Variants in RAB2A observed in about 807,000 individuals in gnomAD.
The protein encoded by RAB2A is ras-related protein Rab-2A.
Under a neutral mutation model 32.5 loss-of-function variants are expected in RAB2A, and 7 were observed. The observed-to-expected ratio is 0.22, with a 90% CI of 0.12 to 0.40. The LOEUF (loss-of-function observed/expected upper bound fraction) is 0.40. Among genes scored for constraint, RAB2A ranks in the 10% least tolerant of loss-of-function variants. The probability of loss-of-function intolerance (pLI) is 1.00; values close to 1 mark genes in which losing one functional copy is unlikely to be tolerated. For synonymous variants in RAB2A, 79 were observed against 85.2 expected (o/e 0.93, Z 0.40); for missense variants, 108 against 260.7 (o/e 0.41, Z 4.03).
intron 3 of RAB2A, among the ~76,000 whole-genome samples, chr8:60,575,198 A>G (rs11984682): frequency 0.076 from 11,433 of 149,872 alleles, 1,315 homozygotes; most frequent in African/African-American, 0.25. Flanking sequence ...GCCTGGCCTC[A>G]AGCAATCCTC....
At chr8:60,598,883 C>T (rs71525417) in intron 6 of RAB2A, among the ~76,000 whole-genome samples, 1 of 126,420 alleles carries the variant, frequency 7.9e-6, no homozygotes, top group Non-Finnish European at 1.6e-5. Flanking sequence ...GCAGTAATGT[C>T]TCTTCTCAAC....
chr8:60,579,644 T>C (rs1803705460), intron 3 of RAB2A, among the ~76,000 whole-genome samples: 1 of 152,102 alleles, frequency 6.6e-6, no homozygotes. Context: ...TTTTTTTTTT[T>C]TGAGATGGAG....
rs192911891 is a variant in RAB2A, at chr8:60,569,033, A to G, written c.119-3013A>G. 7.9e-5 allele frequency among the ~76,000 whole-genome samples: 12 copies of G among 152,310 alleles called. No individual in the cohort carries two copies. The East Asian group carries it at 2.3e-3, about 29-fold the overall frequency. On this transcript the variant is annotated intron_variant, in intron 2 of 7. Coordinates refer to ENST00000262646, the MANE Select transcript of RAB2A (RefSeq NM_002865.3). ...GGCTTCCAAGAGACTAGGATTCAGT[A>G]TTTTCATTTGCCACATAGAATTAAA...
At chr8:60,546,092 C>T (rs1563464841) in intron 1 of RAB2A, among the ~76,000 whole-genome samples, 1 of 152,160 alleles carries the variant, frequency 6.6e-6, no homozygotes, top group East Asian at 1.9e-4. Context: ...TAGTAATTGT[C>T]ATTTCAGAGA....
At chr8:60,591,686 CAG>C in intron 5 of RAB2A, 170 bp from the exon 6 acceptor site, 1 of 455,784 alleles carries the variant, frequency 2.2e-6, no homozygotes, top group Non-Finnish European at 4.0e-6. Flanking sequence ...TGAAACTAGA[CAG>C]TGTGTTCTAA....
At chr8:60,548,754 T>C (rs1807789898) in intron 1 of RAB2A, among the ~76,000 whole-genome samples, 1 of 130,440 alleles carries the variant, frequency 7.7e-6, no homozygotes, top group Non-Finnish European at 1.6e-5. Flanking sequence ...ATGGGGCGGC[T>C]GGCCGGGCGG....
At position 60,623,337 on chromosome 8, in the gene RAB2A, G is replaced by A. The variant is rs1183688696; in HGVS notation, c.*2568G>A. The A allele has an allele frequency of 3.9e-5, 6 of 152,126 alleles. No individual in the cohort carries two copies. The highest frequency in any genetic ancestry group is 8.8e-5 in the Non-Finnish European group (6 of 68,018). 9.4% of individuals were successfully genotyped at this position (152,126 alleles called of 1,614,324 possible). A position where few individuals can be genotyped will look rare whatever the true frequency, so the allele number is the denominator to read the frequency against. The stretch of plus-strand genomic sequence containing the variant: ...GTCAAAAAGAGTTAGGATATAAATC[G>A]TACCAAAATGTTTCCAATCACTCAG... On this transcript the variant is annotated 3_prime_UTR_variant, in exon 8 of 8. Transcript: ENST00000262646.
rs369242161 is a variant in RAB2A at position 60,598,598 on chromosome 8, C to A, written c.474+6629C>A. ...CCACATGGGGTTTATTCCAGGGATG[C>A]AAGGCTTGCTCTGTATTCAAAAACA... On this transcript the variant is annotated intron_variant, in intron 6 of 7. Transcript: ENST00000262646. Among the ~76,000 whole-genome samples, 26 of 152,106 alleles carry A rather than the reference C, an allele frequency of 1.7e-4. No individual in the cohort carries two copies. The East Asian group carries it at 2.9e-3, about 17-fold the overall frequency.
chr8:60,584,044 A>G, intron 3 of RAB2A, 164 bp from the exon 4 acceptor site: 4 of 580,180 alleles, frequency 6.9e-6, no homozygotes, highest in Non-Finnish European at 1.3e-5. Flanking sequence ...AATCTTGAGC[A>G]ATAGCGGTGT....
intron 1 of RAB2A, among the ~76,000 whole-genome samples, chr8:60,520,245 A>T (rs193026646): frequency 6.6e-6 from 1 of 152,184 alleles, no homozygotes; most frequent in Non-Finnish European, 1.5e-5. Flanking sequence ...TGATGATACT[A>T]TTGAGCTGTT....
chr8:60,591,580 T>A lies in RAB2A; in HGVS notation c.363-278T>A, dbSNP rs757443172. ...TGGGAATGCACTGTACTCAAAGATA[T>A]AAGGTATTAGACTAGAGGCTCCCTT... On this transcript the variant is annotated intron_variant, in intron 5 of 7. Coordinates refer to ENST00000262646, the MANE Select transcript of RAB2A (RefSeq NM_002865.3). 13 of 226,056 alleles carry A rather than the reference T, an allele frequency of 5.8e-5. No homozygotes were observed. The East Asian group carries it at 1.2e-3, about 20-fold the overall frequency. The allele number at this position is 226,056 out of a possible 1,614,324, so 14.0% of individuals were successfully genotyped here. A position where few individuals can be genotyped will look rare whatever the true frequency, so the allele number is the denominator to read the frequency against.
rs747474306 is a variant in RAB2A, at chr8:60,517,183, G to A, written c.-25G>A. 2.7e-6 allele frequency: 4 copies of A among 1,483,282 alleles called. No individual in the cohort carries two copies. In the South Asian group the frequency reaches 5.2e-5, roughly 19 times the overall value. 91.9% of individuals were successfully genotyped at this position (1,483,282 alleles called of 1,614,324 possible). A position where few individuals can be genotyped will look rare whatever the true frequency, so the allele number is the denominator to read the frequency against. On this transcript the variant is annotated 5_prime_UTR_variant, in exon 1 of 8. Transcript: ENST00000262646. ...GCAGCAGCGGGAGGAGGAGCCGTGT[G>A]CCCTGGCACTGAGCGGCCGCGGCCA...
intron 1 of RAB2A, chr8:60,558,638 G>T (rs1446808351): frequency 5.1e-6 from 3 of 586,458 alleles, no homozygotes; most frequent in Non-Finnish European, 9.2e-6. Context: ...TATTAAATGT[G>T]TAAGAAAGGG....
intron 6 of RAB2A, among the ~76,000 whole-genome samples, chr8:60,592,549 A>G (rs1361607697): frequency 6.6e-6 from 1 of 152,138 alleles, no homozygotes; most frequent in Non-Finnish European, 1.5e-5. Context: ...TCAATATATT[A>G]CCACATCACC....
intron 1 of RAB2A, among the ~76,000 whole-genome samples, chr8:60,555,586 C>T (rs1807925550): frequency 6.6e-6 from 1 of 152,028 alleles, no homozygotes; most frequent in South Asian, 2.1e-4. Context: ...ACACAAATGG[C>T]CATCAAGTAT....
chr8:60,569,259 A>G (rs1808160954), intron 2 of RAB2A, among the ~76,000 whole-genome samples: 1 of 152,186 alleles, frequency 6.6e-6, no homozygotes, highest in African/African-American at 2.4e-5. Context: ...ATATAATACA[A>G]TAGCCTTTTA....
At chr8:60,520,839 C>T (rs776226912) in intron 1 of RAB2A, among the ~76,000 whole-genome samples, 1 of 152,188 alleles carries the variant, frequency 6.6e-6, no homozygotes, top group African/African-American at 2.4e-5. Flanking sequence ...TCTATTGAGA[C>T]ATGATCTCTG....
intron 6 of RAB2A, among the ~76,000 whole-genome samples, chr8:60,604,008 G>T (rs1478469175): frequency 1.3e-5 from 2 of 152,190 alleles, no homozygotes; most frequent in African/African-American, 2.4e-5. Context: ...ATTGTTGGAG[G>T]TGGGGCCTGG....
Position 60,584,222 on chromosome 8 carries a change from C to T in RAB2A, c.201C>T (p.Ser67=). 1 of 1,606,826 alleles carries T rather than the reference C, an allele frequency of 6.2e-7. No individual in the cohort carries two copies. Among genetic ancestry groups the T allele is most frequent in the Middle Eastern group, 1.7e-4 (1 of 6,052 alleles). The change falls in exon 4 of 8, where the codon TCC becomes TCT. Residue 67 remains serine, a synonymous_variant. Transcript: ENST00000262646. ...LQIWDTAGQE[S]FRSITRSYYR... ...TTTCGTTACAGGCAGGGCAAGAATCCTTTCGTTCCATCACAAGGTCGTATT... is the reference window on the plus strand; with the variant it reads ...TTTCGTTACAGGCAGGGCAAGAATCTTTTCGTTCCATCACAAGGTCGTATT...
Sources: gnomAD v4.1 joint callset for allele counts (sites outside exome capture counted in the v4.1 genomes callset) on GRCh38, gnomAD v4.1.1 for gene constraint, MANE v1.5 for transcripts, NCBI Gene and HGNC (gene_info 2026-07-23, HGNC 2026-07-21) for gene names.